ANKMY1: variants seen among roughly 807,000 people sequenced by gnomAD.
ANKMY1 encodes ankyrin repeat and MYND domain-containing protein 1.
A neutral mutation model predicts 102.0 loss-of-function variants in ANKMY1; 98 were observed. The ratio of observed to expected loss-of-function variants is 0.96; its 90% CI spans 0.82 to 1.14. ANKMY1 has a LOEUF of 1.14. Among genes scored for constraint, ANKMY1 ranks in the 50% most tolerant of loss-of-function variants. The pLI is 0.00. For missense variants in ANKMY1, 1,330 were observed against 1,347.6 expected (o/e 0.99, Z 0.20); for synonymous variants, 582 against 559.9 (o/e 1.04, Z -0.56).
At position 240,520,170 on chromosome 2, in the gene ANKMY1, T is replaced by C; in HGVS notation, c.2004+192A>G. 1 of 880,430 alleles carries C rather than the reference T, an allele frequency of 1.1e-6. No homozygotes were observed. Among genetic ancestry groups the C allele is most frequent in the Non-Finnish European group, 1.9e-6 (1 of 535,466 alleles). 54.5% of individuals were successfully genotyped at this position (880,430 alleles called of 1,614,324 possible). ...AAAAACTAGCTCGGTGTCCAAATCC[T>C]GTCTGGGGACATGGGTGAAAGAGCG... On this transcript the variant is annotated intron_variant, in intron 9 of 17. Coordinates refer to ENST00000401804, the MANE Select transcript of ANKMY1 (RefSeq NM_001282771.3). This position sits in a 1 kb window ranked among gnomAD's most constrained non-coding sequence, Gnocchi z 4.8.
At chr2:240,487,738 G>T (rs1030822755) in intron 15 of ANKMY1, among the ~76,000 whole-genome samples, 2 of 152,052 alleles carry the variant, frequency 1.3e-5, no homozygotes, top group African/African-American at 4.8e-5. Context: ...AAGACGAACA[G>T]ATGAGCATTT....
In ANKMY1 at chr2:240,524,057, C is replaced by G; in HGVS notation, c.1660G>C (p.Glu554Gln). 6.2e-7 allele frequency: 1 copy of G among 1,614,070 alleles called. No homozygotes were observed. The highest frequency in any genetic ancestry group is 8.5e-7 in the Non-Finnish European group (1 of 1,180,042). Residue 554 changes from glutamate to glutamine, a missense_variant, in exon 8 of 18, where the codon GAG becomes CAG. Transcript: ENST00000401804. ...NTDRGSLCSA[E>Q]TKFESNVCVC... The stretch of plus-strand genomic sequence containing the variant: ...CACACGTTGGACTCAAATTTCGTCT[C>G]AGCACTGCACAGACTGCCCCGGTCT...
intron 4 of ANKMY1, 193 bp downstream of exon 4, chr2:240,552,721 G>A: frequency 1.2e-6 from 1 of 821,860 alleles, no homozygotes; most frequent in Non-Finnish European, 1.9e-6. Flanking sequence ...TATCCCTCTG[G>A]GGAATAAAAT....
intron 4 of ANKMY1, among the ~76,000 whole-genome samples, chr2:240,536,032 A>C (rs374755147): frequency 8.5e-5 from 13 of 152,360 alleles, no homozygotes; most frequent in East Asian, 7.7e-4. Flanking sequence ...TACAAGGCAC[A>C]CAAGAATGCA....
chr2:240,557,940 C>A lies in ANKMY1; in HGVS notation c.-77G>T. 1.0e-6 allele frequency: 1 copy of A among 985,652 alleles called. No individual in the cohort carries two copies. Among genetic ancestry groups the A allele is most frequent in the Non-Finnish European group, 1.2e-6 (1 of 830,086 alleles). The allele number at this position is 985,652 out of a possible 1,614,324, so 61.1% of individuals were successfully genotyped here. Reference sequence around the variant, plus strand: ...GGGAGACCGACGGGACTGCAGCCACCGCGGACGCCCGCGCTCCCGTCCCGA... The same window carrying A: ...GGGAGACCGACGGGACTGCAGCCACAGCGGACGCCCGCGCTCCCGTCCCGA... On this transcript the variant is annotated 5_prime_UTR_variant, in exon 1 of 18. Transcript: ENST00000401804.
At chr2:240,553,311 A>C in intron 3 of ANKMY1, 1 of 499,718 alleles carries the variant, frequency 2.0e-6, no homozygotes, top group Admixed American at 3.4e-5. Flanking sequence ...GAGGCTTAAA[A>C]CTACCTAGAC....
At chr2:240,557,138 A>T in intron 2 of ANKMY1, 52 bp downstream of exon 2, 1 of 1,398,664 alleles carries the variant, frequency 7.1e-7, no homozygotes, top group Non-Finnish European at 9.4e-7. Context: ...ATCCCGGCTA[A>T]CCCTGGGCCC....
At chr2:240,523,696 G>A (rs999316901) in intron 8 of ANKMY1, 189 bp downstream of exon 8, 82 of 979,846 alleles carry the variant, frequency 8.4e-5, no homozygotes, top group Middle Eastern at 3.3e-4. Flanking sequence ...AAAACAGCCC[G>A]TCACCGTGGC....
At chr2:240,498,740 G>T (rs939751159) in intron 15 of ANKMY1, among the ~76,000 whole-genome samples, 8 of 152,092 alleles carry the variant, frequency 5.3e-5, no homozygotes, top group South Asian at 2.1e-4. Context: ...CTAGATCGTG[G>T]AGATGGATCC....
At position 240,506,761 on chromosome 2, in the gene ANKMY1, G is replaced by A. The variant is rs2079143464; in HGVS notation, c.2526+799C>T. On this transcript the variant is annotated intron_variant, in intron 13 of 17. Coordinates refer to ENST00000401804, the MANE Select transcript of ANKMY1 (RefSeq NM_001282771.3). The surrounding 1 kb of genome is among the most constrained non-coding windows in gnomAD (Gnocchi z 4.9). ...TGGGTGGTGCCCACAGCGGACACAG[G>A]AAGGGCTGGCATGGGCGGAGGGCAG... Among the ~76,000 whole-genome samples, 1 of 152,134 alleles carries A rather than the reference G, an allele frequency of 6.6e-6. No individual in the cohort carries two copies. The highest frequency in any genetic ancestry group is 1.5e-5 in the Non-Finnish European group (1 of 68,016).
chr2:240,530,207 G>A (rs11676650), intron 4 of ANKMY1, among the ~76,000 whole-genome samples: 1 of 152,110 alleles, frequency 6.6e-6, no homozygotes, highest in African/African-American at 2.4e-5. Context: ...GTGCCCAGGG[G>A]AGGGAGCACA....
rs1294773851 is a variant in ANKMY1, at chr2:240,499,151, T to C, written c.2806+807A>G. Among the ~76,000 whole-genome samples the C allele has an allele frequency of 1.3e-5, 2 of 152,094 alleles. No homozygotes were observed. Among genetic ancestry groups the C allele is most frequent in the Non-Finnish European group, 2.9e-5 (2 of 67,996 alleles). On this transcript the variant is annotated intron_variant, in intron 15 of 17. Coordinates refer to ENST00000401804, the MANE Select transcript of ANKMY1 (RefSeq NM_001282771.3). The surrounding 1 kb of genome is among the most constrained non-coding windows in gnomAD (Gnocchi z 4.2). ...TGTGAGGCTGCAGGAGGCTACTGCATGCTGAGGGCTCGGTGTGGGGGCGGG... is the reference window on the plus strand; with the variant it reads ...TGTGAGGCTGCAGGAGGCTACTGCACGCTGAGGGCTCGGTGTGGGGGCGGG...
At position 240,481,019 on chromosome 2, in the gene ANKMY1, C is replaced by G; in HGVS notation, c.2964G>C (p.Gly988=). The G allele has an allele frequency of 6.2e-7, 1 of 1,614,030 alleles. No homozygotes were observed. Among genetic ancestry groups the G allele is most frequent in the Non-Finnish European group, 8.5e-7 (1 of 1,179,918 alleles). The change falls in exon 17 of 18, where the codon GGG becomes GGC. Residue 988 remains glycine, a synonymous_variant. Transcript: ENST00000401804. ...VRLLPCPRCY[G]ILTCSKYCKT... ...TGCAGTACTTGCTGCAGGTCAGGAT[C>G]CCGTAGCAGCGAGGGCAGGGCAAGA...
At chr2:240,556,336 G>C (rs932238166) in intron 2 of ANKMY1, among the ~76,000 whole-genome samples, 1 of 152,298 alleles carries the variant, frequency 6.6e-6, no homozygotes, top group East Asian at 1.9e-4. Flanking sequence ...AGCGAGATCC[G>C]CTCTCTTATC....
the ANKMY1 span, among the ~76,000 whole-genome samples, chr2:240,471,960 G>A: frequency 6.6e-6 from 1 of 152,116 alleles, no homozygotes; most frequent in Non-Finnish European, 1.5e-5. Flanking sequence ...CTGAAGGCAG[G>A]CCCACCAACC....
At chr2:240,505,505 C>T (rs1242131940) in intron 13 of ANKMY1, among the ~76,000 whole-genome samples, 1 of 151,876 alleles carries the variant, frequency 6.6e-6, no homozygotes, top group East Asian at 1.9e-4. Flanking sequence ...ACCATAGGAC[C>T]CAGCCATCCC....
At chr2:240,550,433 C>T (rs890489311) in intron 4 of ANKMY1, among the ~76,000 whole-genome samples, 6 of 151,246 alleles carry the variant, frequency 4.0e-5, no homozygotes, top group Admixed American at 4.0e-4. Flanking sequence ...TTAGTGGGTG[C>T]AGCATACCAG....
intron 9 of ANKMY1, among the ~76,000 whole-genome samples, chr2:240,517,069 T>G (rs964546731): frequency 6.6e-6 from 1 of 152,258 alleles, no homozygotes; most frequent in Non-Finnish European, 1.5e-5. Flanking sequence ...TTGGAAACTA[T>G]GCAAATATTT....
At chr2:240,510,909 C>T (rs1254782235) in intron 11 of ANKMY1, among the ~76,000 whole-genome samples, 1 of 152,092 alleles carries the variant, frequency 6.6e-6, no homozygotes, top group African/African-American at 2.4e-5. Context: ...GCCCAGGCCT[C>T]GTCCTTCACG....
Sources: gnomAD v4.1 joint callset for allele counts (sites outside exome capture counted in the v4.1 genomes callset) on GRCh38, gnomAD v4.1.1 for gene constraint, Gnocchi (gnomAD v3.1) non-coding constraint, MANE v1.5 for transcripts, NCBI Gene and HGNC (gene_info 2026-07-23, HGNC 2026-07-21) for gene names.